The following ABHD2 variants were observed in gnomAD, a reference collection of about 807,000 sequenced individuals.
ABHD2 encodes the protein abhydrolase domain containing 2, acylglycerol lipase.
ABHD2 carries 20 observed loss-of-function variants against 48.1 expected under a neutral mutation model. That is an observed-to-expected ratio of 0.42 (90% CI 0.29 to 0.60). The LOEUF is 0.60. Ranked by LOEUF, ABHD2 falls within the 20% of genes least tolerant of loss-of-function variation. The pLI is 0.24. For missense variants in ABHD2, 405 were observed against 550.9 expected, an observed-to-expected ratio of 0.74 and a Z score of 2.65; for synonymous variants, 209 against 214.2, an observed-to-expected ratio of 0.98 and a Z score of 0.21.
intron 3 of ABHD2, among the ~76,000 whole-genome samples, chr15:89,128,979 G>A (rs771792840): frequency 2.6e-5 from 4 of 152,148 alleles, no homozygotes; most frequent in Non-Finnish European, 5.9e-5. Context: ...CAGAGGAAAG[G>A]GCTGAATCAC....
chr15:89,043,421 A>G, the ABHD2 span, among the ~76,000 whole-genome samples: 2 of 150,240 alleles, frequency 1.3e-5, no homozygotes, highest in Admixed American at 1.3e-4. Flanking sequence ...TCAAGACCCT[A>G]TCTCTTTTTT....
At chr15:89,069,846 A>C in the ABHD2 span, among the ~76,000 whole-genome samples, 32,298 of 151,216 alleles carry the variant, frequency 0.21, 4,319 homozygotes, top group African/African-American at 0.36. Flanking sequence ...TGCATGGCTA[A>C]TTTTTGTATT....
rs936270776 is a variant in ABHD2 at position 89,155,262 on chromosome 15, T to A, written c.371-105T>A. On this transcript the variant is annotated intron_variant, in intron 4 of 10. Coordinates refer to ENST00000352732, the MANE Select transcript of ABHD2 (RefSeq NM_152924.5). This position sits in a 1 kb window ranked among gnomAD's most constrained non-coding sequence, Gnocchi z 4.9. Reference sequence around the variant, plus strand: ...CCCAGAGAACTGAGTGAAAGATGTATGTTGAATTCCCTCCCCTTGTTTTCT... The same window carrying A: ...CCCAGAGAACTGAGTGAAAGATGTAAGTTGAATTCCCTCCCCTTGTTTTCT... The A allele has an allele frequency of 5.5e-6, 7 of 1,273,354 alleles. No individual in the cohort carries two copies. The highest frequency in any genetic ancestry group is 7.7e-6 in the Non-Finnish European group (7 of 906,804). The allele number at this position is 1,273,354 out of a possible 1,614,324, so 78.9% of individuals were successfully genotyped here.
At chr15:89,053,651 C>T in the ABHD2 span, among the ~76,000 whole-genome samples, 1 of 152,188 alleles carries the variant, frequency 6.6e-6, no homozygotes, top group Non-Finnish European at 1.5e-5. Context: ...TGCATGAGGA[C>T]AGCCTTCGAG....
intron 3 of ABHD2, among the ~76,000 whole-genome samples, chr15:89,127,692 A>AATATATATATACACATATATATATAT (rs2050150292): frequency 8.2e-6 from 1 of 121,738 alleles, no homozygotes; most frequent in African/African-American, 4.4e-5. Context: ...CTTCTCAGTG[A>AATATATATATACACATATATATATAT]ATATATATAT....
Position 89,199,216 on chromosome 15 carries a change from G to A in ABHD2, c.*3793G>A, listed in dbSNP as rs947413812. 1.3e-5 allele frequency: 2 copies of A among 152,022 alleles called. No individual in the cohort carries two copies. The highest frequency in any genetic ancestry group is 2.4e-5 in the African/African-American group (1 of 41,366). 9.4% of individuals were successfully genotyped at this position (152,022 alleles called of 1,614,324 possible). On this transcript the variant is annotated 3_prime_UTR_variant, in exon 11 of 11. Coordinates refer to ENST00000352732, the MANE Select transcript of ABHD2 (RefSeq NM_152924.5). This position sits in a 1 kb window ranked among gnomAD's most constrained non-coding sequence, Gnocchi z 4.1. ...GGAAACAATACATGTGTTCTTGTTTGTGTTTGCTCAGCAAGCAGATGTCTG... is the reference window on the plus strand; with the variant it reads ...GGAAACAATACATGTGTTCTTGTTTATGTTTGCTCAGCAAGCAGATGTCTG...
intron 4 of ABHD2, among the ~76,000 whole-genome samples, chr15:89,153,657 G>C (rs1042076168): frequency 6.6e-6 from 1 of 152,094 alleles, no homozygotes; most frequent in Non-Finnish European, 1.5e-5. Context: ...TGTACTTTAA[G>C]AAAAACAGCT....
At position 89,146,611 on chromosome 15, in the gene ABHD2, G is replaced by T. The variant is rs2050496809; in HGVS notation, c.195-5066G>T. 6.6e-6 allele frequency among the ~76,000 whole-genome samples: 1 copy of T among 152,102 alleles called. No individual in the cohort carries two copies. The highest frequency in any genetic ancestry group is 2.1e-4 in the South Asian group (1 of 4,824). On this transcript the variant is annotated intron_variant, in intron 3 of 10. Transcript: ENST00000352732. This position sits in a 1 kb window ranked among gnomAD's most constrained non-coding sequence, Gnocchi z 4.2. ...ACAACATTGGCCACAATACCATAAG[G>T]ATTAGTAAAGAAGTAGAAGAGACTG...
chr15:89,068,089 C>T, the ABHD2 span, among the ~76,000 whole-genome samples: 1 of 152,132 alleles, frequency 6.6e-6, no homozygotes, highest in South Asian at 2.1e-4. Context: ...TACAGGACTT[C>T]TACCCCTCAG....
At chr15:89,095,417 G>C (rs1465827736) in intron 1 of ABHD2, among the ~76,000 whole-genome samples, 1 of 152,172 alleles carries the variant, frequency 6.6e-6, no homozygotes, top group Non-Finnish European at 1.5e-5. Context: ...CTTATAGTGA[G>C]GTGAACTTAT....
rs1180833037 is a variant in ABHD2 at position 89,185,629 on chromosome 15, T to C, written c.815+113T>C. The C allele has an allele frequency of 2.2e-6, 2 of 929,492 alleles. No individual in the cohort carries two copies. Among genetic ancestry groups the C allele is most frequent in the Non-Finnish European group, 3.3e-6 (2 of 599,280 alleles). 57.6% of individuals were successfully genotyped at this position (929,492 alleles called of 1,614,324 possible). Reference sequence around the variant, plus strand: ...TTCAGGGGAAAAAAAAAAATGCAGGTGTGGTACAGACTCTCTGCTGCCTGC... The same window carrying C: ...TTCAGGGGAAAAAAAAAAATGCAGGCGTGGTACAGACTCTCTGCTGCCTGC... On this transcript the variant is annotated intron_variant, in intron 7 of 10. Coordinates refer to ENST00000352732, the MANE Select transcript of ABHD2 (RefSeq NM_152924.5). The surrounding 1 kb of genome is among the most constrained non-coding windows in gnomAD (Gnocchi z 5.9).
At position 89,201,495 on chromosome 15, in the gene ABHD2, T is replaced by C. The variant is rs1009897214; in HGVS notation, c.*6072T>C. ...ACACAGCTTCCATATCTGAAGTGTT[T>C]AGTGGAGCAAAAATTGTACCATAAA... is the stretch of plus-strand genomic sequence containing the variant. On this transcript the variant is annotated 3_prime_UTR_variant, in exon 11 of 11. Coordinates refer to ENST00000352732, the MANE Select transcript of ABHD2 (RefSeq NM_152924.5). 8.2e-6 allele frequency: 13 copies of C among 1,576,226 alleles called. No homozygotes were observed. The highest frequency in any genetic ancestry group is 6.7e-5 in the East Asian group (3 of 44,694).
chr15:89,095,479 G>C (rs553475181), intron 1 of ABHD2, among the ~76,000 whole-genome samples: 1 of 152,308 alleles, frequency 6.6e-6, no homozygotes, highest in East Asian at 1.9e-4. Context: ...TGTTTGAAGT[G>C]CCACGTTTTA....
chr15:89,162,908 A>C (rs979913559), intron 5 of ABHD2, among the ~76,000 whole-genome samples: 3 of 152,196 alleles, frequency 2.0e-5, no homozygotes, highest in African/African-American at 7.2e-5. Context: ...GGACCCTAGA[A>C]AGCATTCACT....
intron 3 of ABHD2, among the ~76,000 whole-genome samples, chr15:89,150,401 C>T (rs1309105340): frequency 1.3e-5 from 2 of 152,156 alleles, no homozygotes; most frequent in Non-Finnish European, 2.9e-5. Flanking sequence ...CTGTCATAAT[C>T]CACTCAGCTC....
chr15:89,170,835 A>G (rs2050914032), intron 5 of ABHD2, among the ~76,000 whole-genome samples: 1 of 152,062 alleles, frequency 6.6e-6, no homozygotes, highest in Non-Finnish European at 1.5e-5. Context: ...AAGACAAAAG[A>G]GGCCGGGCGC....
chr15:89,140,619 T>G (rs1252651477), intron 3 of ABHD2, among the ~76,000 whole-genome samples: 6 of 151,924 alleles, frequency 3.9e-5, no homozygotes, highest in Non-Finnish European at 7.4e-5. Context: ...ACACACCACC[T>G]TATTTGTGCT....
At position 89,195,684 on chromosome 15, in the gene ABHD2, T is replaced by G. The variant is rs2051390090; in HGVS notation, c.*261T>G. 1 of 411,694 alleles carries G rather than the reference T, an allele frequency of 2.4e-6. No homozygotes were observed. Among genetic ancestry groups the G allele is most frequent in the Non-Finnish European group, 4.3e-6 (1 of 230,486 alleles). The allele number at this position is 411,694 out of a possible 1,614,324, so 25.5% of individuals were successfully genotyped here. A position where few individuals can be genotyped will look rare whatever the true frequency, so the allele number is the denominator to read the frequency against. ...ACAGAGTTCTTGCCCTCTGTCCAGT[T>G]TCAGCATCTGGTTGCTTTTAAGCCA... On this transcript the variant is annotated 3_prime_UTR_variant, in exon 11 of 11. Coordinates refer to ENST00000352732, the MANE Select transcript of ABHD2 (RefSeq NM_152924.5). This position sits in a 1 kb window ranked among gnomAD's most constrained non-coding sequence, Gnocchi z 5.1.
chr15:89,180,924 G>A (rs896008246), intron 6 of ABHD2, among the ~76,000 whole-genome samples: 18 of 152,146 alleles, frequency 1.2e-4, no homozygotes, highest in African/African-American at 4.1e-4. Context: ...ACGACAGAAT[G>A]TATATATTAA....
Sources: gnomAD v4.1 joint callset for allele counts (sites outside exome capture counted in the v4.1 genomes callset) on GRCh38, gnomAD v4.1.1 for gene constraint, Gnocchi (gnomAD v3.1) non-coding constraint, MANE v1.5 for transcripts, NCBI Gene and HGNC (gene_info 2026-07-23, HGNC 2026-07-21) for gene names.